SLC25A48: variants seen among roughly 807,000 people sequenced by gnomAD.
SLC25A48 encodes the protein solute carrier family 25 member 48, also known as CTC-321K16.1.
Under a neutral mutation model 32.2 loss-of-function variants are expected in SLC25A48, and 29 were observed. The observed-to-expected ratio is 0.90, with a 90% confidence interval of 0.67 to 1.23. The LOEUF (loss-of-function observed/expected upper bound fraction) is 1.23, where lower values mean the gene tolerates loss of function less well. SLC25A48 is among the 50% of genes most tolerant of loss of function. The pLI is 0.00. For synonymous variants in SLC25A48, 164 were observed against 172.3 expected (o/e 0.95, Z 0.38); for missense variants, 399 against 422.7 (o/e 0.94, Z 0.49).
At chr5:135,635,676 T>C (rs1413356978) in intron 3 of SLC25A48, among the ~76,000 whole-genome samples, 1 of 152,194 alleles carries the variant, frequency 6.6e-6, no homozygotes, top group Non-Finnish European at 1.5e-5. Flanking sequence ...TCAGTTTCCA[T>C]GGTATAAATA....
chr5:135,771,358 C>G (rs1481836035), intron 3 of SLC25A48, among the ~76,000 whole-genome samples: 2 of 151,574 alleles, frequency 1.3e-5, no homozygotes, highest in African/African-American at 4.8e-5. Context: ...TTTGTAACAT[C>G]CAGTGGGGGA....
intron 1 of SLC25A48, among the ~76,000 whole-genome samples, chr5:135,612,896 C>A (rs1166420031): frequency 1.3e-5 from 2 of 152,284 alleles, no homozygotes; most frequent in East Asian, 3.9e-4. Flanking sequence ...GCACATATAT[C>A]CCTTTGATAT....
chr5:135,585,751 A>AT (rs1397981567), intron 1 of SLC25A48, among the ~76,000 whole-genome samples: 1 of 152,098 alleles, frequency 6.6e-6, no homozygotes, highest in East Asian at 1.9e-4. Flanking sequence ...CTGCTTCCTC[A>AT]TCTGTAAAAA....
intron 3 of SLC25A48, among the ~76,000 whole-genome samples, chr5:135,635,749 A>G (rs755978070): frequency 2.0e-5 from 3 of 152,148 alleles, no homozygotes; most frequent in Non-Finnish European, 4.4e-5. Flanking sequence ...TTGGGAAGAG[A>G]TACTGACAGC....
rs902072607 is a variant in SLC25A48 at position 135,629,811 on chromosome 5, C to G, written c.-709+435C>G. On this transcript the variant is annotated intron_variant, in intron 2 of 10. Transcript: ENST00000646290. The surrounding 1 kb of genome is among the most constrained non-coding windows in gnomAD (Gnocchi z 4.8). ...AACTCTCCAGCACTTCTGGCCTGCT[C>G]TGCACATGGGCTGAGTGGGCCCATT... is the stretch of plus-strand genomic sequence containing the variant. 3.9e-5 allele frequency among the ~76,000 whole-genome samples: 6 copies of G among 152,240 alleles called. No individual in the cohort carries two copies. The highest frequency in any genetic ancestry group is 5.9e-5 in the Non-Finnish European group (4 of 68,042).
At chr5:135,834,595 A>T, upstream of SLC25A48, 1 of 464,866 alleles carries the variant, frequency 2.2e-6, no homozygotes, top group Middle Eastern at 5.5e-4. Flanking sequence ...CGCGGAGCGC[A>T]CCCTTATCCA....
Position 135,842,400 on chromosome 5 carries a change from CT to C in SLC25A48, c.47-10del. On this transcript the variant is annotated splice_polypyrimidine_tract_variant and intron_variant, in intron 1 of 7. Transcript: ENST00000681962. ...TCCAAGGGCTGAGTTACTAGGCATT[CT>C]TTTTTGATCCACAGGTGCAGCCAGT... 6.2e-7 allele frequency: 1 copy of C among 1,613,124 alleles called. No individual in the cohort carries two copies.
At chr5:135,690,841 C>A (rs1433527532) in intron 3 of SLC25A48, among the ~76,000 whole-genome samples, 1 of 152,126 alleles carries the variant, frequency 6.6e-6, no homozygotes, top group East Asian at 1.9e-4. Flanking sequence ...GCCCAAGAGG[C>A]CCCAACAGAA....
intron 3 of SLC25A48, among the ~76,000 whole-genome samples, chr5:135,643,369 A>G (rs1401294477): frequency 2.0e-5 from 3 of 152,196 alleles, no homozygotes; most frequent in Non-Finnish European, 4.4e-5. Flanking sequence ...AGGCCCTTCT[A>G]TGGTGACCAA....
intron 4 of SLC25A48, among the ~76,000 whole-genome samples, chr5:135,818,643 G>A (rs769399203): frequency 1.3e-5 from 2 of 151,894 alleles, no homozygotes; most frequent in Non-Finnish European, 2.9e-5. Flanking sequence ...CTGACCCAAA[G>A]TCTACACAAA....
At chr5:135,835,678 T>TAAAAAAAAAAAAAAAAAA (rs35114794) in intron 1 of SLC25A48, among the ~76,000 whole-genome samples, 5 of 70,388 alleles carry the variant, frequency 7.1e-5, no homozygotes, top group African/African-American at 2.9e-4. Flanking sequence ...TTGCTAATTG[T>TAAAAAAAAAAAAAAAAAA]AAAAAAAAAA....
At chr5:135,678,706 G>A (rs1753825430) in intron 3 of SLC25A48, among the ~76,000 whole-genome samples, 1 of 152,142 alleles carries the variant, frequency 6.6e-6, no homozygotes, top group South Asian at 2.1e-4. Flanking sequence ...TCCTGAAGTA[G>A]TATCCATGGT....
chr5:135,801,290 C>A (rs1025398769), intron 3 of SLC25A48, among the ~76,000 whole-genome samples: 14 of 150,830 alleles, frequency 9.3e-5, no homozygotes, highest in African/African-American at 3.2e-4. Context: ...GATATTACTT[C>A]CAATATCGCA....
intron 3 of SLC25A48, among the ~76,000 whole-genome samples, chr5:135,798,701 A>G (rs1757247228): frequency 6.6e-6 from 1 of 150,904 alleles, no homozygotes; most frequent in Non-Finnish European, 1.5e-5. Context: ...GGGGGTGTAC[A>G]CTCTCCCTGT....
chr5:135,679,725 G>A (rs549921336), intron 3 of SLC25A48, among the ~76,000 whole-genome samples: 6 of 152,270 alleles, frequency 3.9e-5, no homozygotes, highest in Admixed American at 1.3e-4. Context: ...CTGTGGGCTC[G>A]GAAGGTCAAT....
intron 4 of SLC25A48, among the ~76,000 whole-genome samples, chr5:135,860,621 C>T (rs755555683): frequency 6.6e-5 from 10 of 152,194 alleles, no homozygotes; most frequent in Non-Finnish European, 1.2e-4. Flanking sequence ...CCAAACAGAA[C>T]ACCATAGAGC....
intron 3 of SLC25A48, among the ~76,000 whole-genome samples, chr5:135,657,372 G>T (rs757699197): frequency 2.6e-5 from 4 of 152,230 alleles, no homozygotes; most frequent in Non-Finnish European, 5.9e-5. Flanking sequence ...GGCTTTCTGT[G>T]GGAAATGAAG....
intron 3 of SLC25A48, among the ~76,000 whole-genome samples, chr5:135,686,532 C>T (rs1405865787): frequency 6.6e-6 from 1 of 152,234 alleles, no homozygotes; most frequent in Non-Finnish European, 1.5e-5. Flanking sequence ...GCCTTCCATG[C>T]TACACCCTGG....
chr5:135,888,190 G>A lies in SLC25A48; in HGVS notation c.*166G>A, dbSNP rs1762802806. 48 of 1,083,702 alleles carry A rather than the reference G, an allele frequency of 4.4e-5. No individual in the cohort carries two copies. The highest frequency in any genetic ancestry group is 6.1e-5 in the Non-Finnish European group (45 of 739,780). The allele number at this position is 1,083,702 out of a possible 1,614,324, so 67.1% of individuals were successfully genotyped here. A position where few individuals can be genotyped will look rare whatever the true frequency, so the allele number is the denominator to read the frequency against. On this transcript the variant is annotated 3_prime_UTR_variant, in exon 8 of 8. Coordinates refer to ENST00000681962, the MANE Select transcript of SLC25A48 (RefSeq NM_001349336.2). Reference sequence around the variant, plus strand: ...CACTGACGTGGCCCTTCTGATGCCTGGGATGCCTCATGAGTCACTGATTCA... The same window carrying A: ...CACTGACGTGGCCCTTCTGATGCCTAGGATGCCTCATGAGTCACTGATTCA...
Sources: allele counts gnomAD v4.1 joint callset (sites outside exome capture counted in the v4.1 genomes callset), GRCh38; gene constraint gnomAD v4.1.1; non-coding constraint Gnocchi (gnomAD v3.1); transcripts MANE v1.5; gene names NCBI Gene and HGNC (gene_info 2026-07-23, HGNC 2026-07-21).